Variants in STEAP4 observed in about 807,000 individuals in gnomAD.
STEAP4 encodes the protein STEAP4 metalloreductase.
A neutral mutation model predicts 43.6 loss-of-function variants in STEAP4; 36 were observed. That is an observed-to-expected ratio of 0.83 (90% confidence interval 0.63 to 1.09). The LOEUF is 1.09. STEAP4 is among the 50% of genes least tolerant of loss of function. The pLI is 0.00. For missense variants in STEAP4, 495 were observed against 546.5 expected, an observed-to-expected ratio of 0.91 and a Z score of 0.94; for synonymous variants, 191 against 196.7, an observed-to-expected ratio of 0.97 and a Z score of 0.24.
chr7:88,285,979 C>G (rs541311492), intron 1 of STEAP4, among the ~76,000 whole-genome samples: 1 of 152,088 alleles, frequency 6.6e-6, no homozygotes. Context: ...TATGAAAGAA[C>G]ATTTCAGCTC....
intron 1 of STEAP4, among the ~76,000 whole-genome samples, chr7:88,287,989 G>T (rs1398566546): frequency 1.3e-5 from 2 of 152,150 alleles, no homozygotes. Flanking sequence ...ACAGCTTAAA[G>T]GTTAGAAGCC....
At chr7:88,280,222 C>G (rs1852594197) in intron 4 of STEAP4, among the ~76,000 whole-genome samples, 1 of 152,218 alleles carries the variant, frequency 6.6e-6, no homozygotes, top group South Asian at 2.1e-4. Flanking sequence ...CTATAAAATT[C>G]TAACCTAATT....
At chr7:88,289,954 TCTA>T (rs1221142738) in intron 1 of STEAP4, among the ~76,000 whole-genome samples, 3 of 152,238 alleles carry the variant, frequency 2.0e-5, no homozygotes, top group Non-Finnish European at 2.9e-5. Flanking sequence ...CCTTCATTAT[TCTA>T]CTGTAGAACT....
chr7:88,285,865 A>T (rs2040657), intron 1 of STEAP4, among the ~76,000 whole-genome samples: 6,601 of 152,224 alleles, frequency 0.043, 177 homozygotes, highest in South Asian at 0.11. Flanking sequence ...ATATGATAAA[A>T]ATAGCATCTC....
At chr7:88,280,598 G>A (rs538966451) in intron 4 of STEAP4, among the ~76,000 whole-genome samples, 6 of 152,184 alleles carry the variant, frequency 3.9e-5, no homozygotes, top group Admixed American at 3.9e-4. Context: ...CTCAACATCT[G>A]GTTTTCCATA....
At chr7:88,300,216 T>G (rs991856171) in intron 1 of STEAP4, among the ~76,000 whole-genome samples, 2 of 152,226 alleles carry the variant, frequency 1.3e-5, no homozygotes, top group African/African-American at 4.8e-5. Flanking sequence ...TTTTATTTTA[T>G]TTTAGTTTTT....
In STEAP4 at chr7:88,271,079, G is replaced by T. The variant is rs570121922; in HGVS notation, c.*8319C>A. ...GAGAACATTCAATATCCTCCTTCTA[G>T]CTATTTAGAATATATATTATTGTTA... is the stretch of plus-strand genomic sequence containing the variant. On this transcript the variant is annotated 3_prime_UTR_variant, in exon 5 of 5. Coordinates refer to ENST00000380079, the MANE Select transcript of STEAP4 (RefSeq NM_024636.4). The T allele has an allele frequency of 2.0e-5, 3 of 152,060 alleles. No individual in the cohort carries two copies. The East Asian group carries it at 5.8e-4, about 29-fold the overall frequency. 9.4% of individuals were successfully genotyped at this position (152,060 alleles called of 1,614,324 possible).
intron 4 of STEAP4, 82 bp downstream of exon 4, chr7:88,280,833 T>G: frequency 7.2e-7 from 1 of 1,382,824 alleles, no homozygotes; most frequent in Non-Finnish European, 9.7e-7. Context: ...GTTCAACATT[T>G]TCTAATTTGA....
intron 1 of STEAP4, among the ~76,000 whole-genome samples, chr7:88,296,389 C>G (rs2116009053): frequency 1.3e-5 from 2 of 152,264 alleles, no homozygotes; most frequent in East Asian, 3.9e-4. Context: ...TTGGCACCTT[C>G]CAGAGAGTTG....
chr7:88,296,791 C>T (rs1037026185), intron 1 of STEAP4, among the ~76,000 whole-genome samples: 1 of 151,944 alleles, frequency 6.6e-6, no homozygotes, highest in Non-Finnish European at 1.5e-5. Flanking sequence ...ATCAAGGCTC[C>T]CTAGGGATAA....
Position 88,279,280 on chromosome 7 carries a change from A to G in STEAP4, c.*118T>C. ...CAATGTTTCCCTCAGTCACGGTGTA[A>G]GAAAAAAACTTTCCTAACTGTACCC... On this transcript the variant is annotated 3_prime_UTR_variant, in exon 5 of 5. Transcript: ENST00000380079. 1 of 878,224 alleles carries G rather than the reference A, an allele frequency of 1.1e-6. No individual in the cohort carries two copies. Among genetic ancestry groups the G allele is most frequent in the Admixed American group, 2.6e-5 (1 of 37,996 alleles). 54.4% of individuals were successfully genotyped at this position (878,224 alleles called of 1,614,324 possible). A position where few individuals can be genotyped will look rare whatever the true frequency, so the allele number is the denominator to read the frequency against.
intron 1 of STEAP4, among the ~76,000 whole-genome samples, chr7:88,304,850 T>C (rs928166971): frequency 6.6e-6 from 1 of 152,168 alleles, no homozygotes; most frequent in Non-Finnish European, 1.5e-5. Flanking sequence ...GGAGAATTTA[T>C]ATCCTTTTAA....
rs371254467 is a variant in STEAP4, at chr7:88,285,756, C to CAA, written c.-2-1487_-2-1486dup. On this transcript the variant is annotated intron_variant, in intron 1 of 4. Transcript: ENST00000380079. ...TGGGCGACAGAGAGAGACTTTGTCT[C>CAA]AAAAAAAAAAAAAAAAAAGAAAGAA... Among the ~76,000 whole-genome samples the CAA allele has an allele frequency of 3.0e-3, 234 of 78,296 alleles. 3 individuals carry two copies. Among genetic ancestry groups the CAA allele is most frequent in the African/African-American group, 0.011 (206 of 19,294 alleles). 51.4% of individuals were successfully genotyped at this position (78,296 alleles called of 152,430 possible). A position where few individuals can be genotyped will look rare whatever the true frequency, so the allele number is the denominator to read the frequency against.
intron 1 of STEAP4, among the ~76,000 whole-genome samples, chr7:88,296,351 A>G (rs1006122365): frequency 4.6e-5 from 7 of 152,156 alleles, no homozygotes; most frequent in Admixed American, 1.3e-4. Context: ...TACAACCACT[A>G]GTGTAGCACA....
rs773423426 is a variant in STEAP4 at position 88,283,883 on chromosome 7, G to A, written c.387C>T (p.His129=). 34 of 1,614,024 alleles carry A rather than the reference G, an allele frequency of 2.1e-5. No homozygotes were observed. The highest frequency in any genetic ancestry group is 1.6e-4 in the Middle Eastern group (1 of 6,084). ...AGATGGTGTTAAATGCTTTTACCACGTGGGCTCCTGGCACCAAATGAGCAA... is the reference window on the plus strand; with the variant it reads ...AGATGGTGTTAAATGCTTTTACCACATGGGCTCCTGGCACCAAATGAGCAA... ...EYLAHLVPGA[H]VVKAFNTISA... Residue 129 remains histidine, a synonymous_variant, in exon 2 of 5, where the codon CAC becomes CAT. Coordinates refer to ENST00000380079, the MANE Select transcript of STEAP4 (RefSeq NM_024636.4).
At chr7:88,282,594 A>C in intron 3 of STEAP4, 47 bp downstream of exon 3, 1 of 1,509,212 alleles carries the variant, frequency 6.6e-7, no homozygotes, top group Non-Finnish European at 9.1e-7. Flanking sequence ...ATGTAGCAAT[A>C]GTCTCTGATT....
intron 3 of STEAP4, 116 bp from the exon 4 acceptor site, chr7:88,281,195 T>C (rs1406488941): frequency 1.3e-6 from 1 of 751,990 alleles, no homozygotes; most frequent in Non-Finnish European, 1.9e-6. Context: ...GTATGGCATT[T>C]CTTAAAAATT....
intron 3 of STEAP4, chr7:88,282,437 G>GC (rs955168307): frequency 1.3e-5 from 8 of 593,430 alleles, no homozygotes; most frequent in African/African-American, 9.4e-5. Flanking sequence ...GTGAGCCACC[G>GC]CCCCCGGCAA....
intron 1 of STEAP4, among the ~76,000 whole-genome samples, chr7:88,293,693 T>C (rs1337258111): frequency 1.3e-5 from 2 of 152,180 alleles, no homozygotes; most frequent in African/African-American, 2.4e-5. Context: ...GAAAAGACTA[T>C]CCTTATTTTT....
Sources: allele counts gnomAD v4.1 joint callset (sites outside exome capture counted in the v4.1 genomes callset), GRCh38; gene constraint gnomAD v4.1.1; transcripts MANE v1.5; gene names NCBI Gene and HGNC (gene_info 2026-07-23, HGNC 2026-07-21).